PHACTR2: variants seen among roughly 807,000 people sequenced by gnomAD.
The protein encoded by PHACTR2 is phosphatase and actin regulator 2, also known as chromosome 6 open reading frame 56.
A neutral mutation model predicts 76.0 loss-of-function variants in PHACTR2; 30 were observed. That is an observed-to-expected ratio of 0.39 (90% confidence interval 0.30 to 0.54). The LOEUF is 0.54. PHACTR2 is among the 20% of genes least tolerant of loss of function. PHACTR2 has a pLI of 0.61. For synonymous variants in PHACTR2, 292 were observed against 292.5 expected (o/e 1.00, Z 0.02); for missense variants, 696 against 781.1 (o/e 0.89, Z 1.30).
Position 143,733,495 on chromosome 6 carries a change from C to T in PHACTR2, c.215-15490C>T, listed in dbSNP as rs996269709. 1.4e-4 allele frequency among the ~76,000 whole-genome samples: 21 copies of T among 151,942 alleles called. No individual in the cohort carries two copies. The highest frequency in any genetic ancestry group is 1.3e-4 in the Non-Finnish European group (9 of 67,938). On this transcript the variant is annotated intron_variant, in intron 2 of 12. Transcript: ENST00000440869. The surrounding 1 kb of genome is among the most constrained non-coding windows in gnomAD (Gnocchi z 4.0). Reference sequence around the variant, plus strand: ...TGGAGCATTTGCAAGTGAATCTTTTCGATTTGGAAAGTGCTGGATTTGGGG... The same window carrying T: ...TGGAGCATTTGCAAGTGAATCTTTTTGATTTGGAAAGTGCTGGATTTGGGG...
intron 12 of PHACTR2, among the ~76,000 whole-genome samples, chr6:143,815,896 A>G (rs904464753): frequency 0.026 from 6 of 230 alleles, no homozygotes; most frequent in Non-Finnish European, 0.066. Flanking sequence ...TGTCTCAAGA[A>G]AAAAAAAAAA....
In PHACTR2 at chr6:143,809,504, C is replaced by T. The variant is rs1021310140; in HGVS notation, c.1922+2371C>T. On this transcript the variant is annotated intron_variant, in intron 12 of 12. Transcript: ENST00000440869. This position sits in a 1 kb window ranked among gnomAD's most constrained non-coding sequence, Gnocchi z 4.2. ...GTGATTAAAGGCATGAGCCACTGCA[C>T]CTGGCTTCTTTTTTATATATGTATT... 1.4e-4 allele frequency among the ~76,000 whole-genome samples: 22 copies of T among 152,002 alleles called. No homozygotes were observed. The highest frequency in any genetic ancestry group is 4.6e-4 in the African/African-American group (19 of 41,402).
chr6:143,740,456 C>A (rs1778912774), intron 2 of PHACTR2, among the ~76,000 whole-genome samples: 1 of 146,648 alleles, frequency 6.8e-6, no homozygotes, highest in Non-Finnish European at 1.5e-5. Context: ...GGCTCACACG[C>A]CTCTGACACT....
Position 143,783,096 on chromosome 6 carries a change from C to A in PHACTR2, c.1646-123C>A. Reference sequence around the variant, plus strand: ...ACAAAATATTTTGACAACTTTTTAACAATGTTGGTTGTGTGTTTGATCATT... The same window carrying A: ...ACAAAATATTTTGACAACTTTTTAAAAATGTTGGTTGTGTGTTTGATCATT... On this transcript the variant is annotated intron_variant, in intron 9 of 12. Transcript: ENST00000440869. This position sits in a 1 kb window ranked among gnomAD's most constrained non-coding sequence, Gnocchi z 5.2. 1.8e-6 allele frequency: 1 copy of A among 546,988 alleles called. No homozygotes were observed. The highest frequency in any genetic ancestry group is 3.4e-6 in the Non-Finnish European group (1 of 293,914). The allele number at this position is 546,988 out of a possible 1,614,324, so 33.9% of individuals were successfully genotyped here. A position where few individuals can be genotyped will look rare whatever the true frequency, so the allele number is the denominator to read the frequency against.
intron 1 of PHACTR2, among the ~76,000 whole-genome samples, chr6:143,649,828 G>A (rs2128445884): frequency 6.6e-6 from 1 of 152,272 alleles, no homozygotes; most frequent in South Asian, 2.1e-4. Context: ...ACACAGTATT[G>A]GAAGTTCTGG....
At position 143,548,464 on chromosome 6, in the gene PHACTR2, A is replaced by G. The variant is rs1190436156; in HGVS notation, c.217+11257A>G. Among the ~76,000 whole-genome samples the G allele has an allele frequency of 6.6e-6, 1 of 152,072 alleles. No individual in the cohort carries two copies. The highest frequency in any genetic ancestry group is 1.5e-5 in the Non-Finnish European group (1 of 67,978). On this transcript the variant is annotated intron_variant, in intron 1 of 11. Coordinates refer to the PHACTR2 transcript ENST00000367584. The surrounding 1 kb of genome is among the most constrained non-coding windows in gnomAD (Gnocchi z 4.5). ...CAGACTTCTCTGATGCTGTGAGCAT[A>G]TATTCTCCTCAGATTTCCCCTATTT... is the stretch of plus-strand genomic sequence containing the variant.
rs1328327711 is a variant in PHACTR2 at position 143,648,454 on chromosome 6, A to AG, written c.13+40139dup. On this transcript the variant is annotated intron_variant, in intron 1 of 11. Coordinates refer to the PHACTR2 transcript ENST00000305766. This position sits in a 1 kb window ranked among gnomAD's most constrained non-coding sequence, Gnocchi z 6.7. The stretch of plus-strand genomic sequence containing the variant: ...TGTCTCTGCACTGGGAGTCCCTGGG[A>AG]GGGGGGGACGAGGAGGAACAGACCA... 6.6e-6 allele frequency among the ~76,000 whole-genome samples: 1 copy of AG among 152,016 alleles called. No individual in the cohort carries two copies. The highest frequency in any genetic ancestry group is 2.4e-5 in the African/African-American group (1 of 41,384).
At chr6:143,607,859 GA>G (rs1253898565), upstream of PHACTR2, among the ~76,000 whole-genome samples, 2 of 152,194 alleles carry the variant, frequency 1.3e-5, no homozygotes, top group Non-Finnish European at 2.9e-5. Flanking sequence ...AAACCCCAAG[GA>G]AAGGATAATG....
intron 1 of PHACTR2, among the ~76,000 whole-genome samples, chr6:143,544,009 C>T (rs950014669): frequency 2.0e-5 from 3 of 152,132 alleles, no homozygotes; most frequent in African/African-American, 4.8e-5. Context: ...AGAAGTAAAG[C>T]CTCTCTCTGA....
intron 1 of PHACTR2, among the ~76,000 whole-genome samples, chr6:143,544,253 G>GGAAGGAAGGCAGGCAGGGAGGGGAAA (rs111872744): frequency 2.8e-5 from 4 of 144,142 alleles, no homozygotes; most frequent in African/African-American, 1.2e-4. Context: ...GGAGGGAGTG[G>GGAAGGAAGGCAGGCAGGGAGGGGAAA]GAAGGAAGGA....
intron 4 of PHACTR2, among the ~76,000 whole-genome samples, chr6:143,756,544 A>C (rs899224657): frequency 4.0e-5 from 6 of 151,714 alleles, no homozygotes; most frequent in Non-Finnish European, 5.9e-5. Context: ...AAATACAAAA[A>C]AAAAATTAGC....
intron 1 of PHACTR2, among the ~76,000 whole-genome samples, chr6:143,545,326 T>C (rs1774966366): frequency 6.6e-6 from 1 of 152,230 alleles, no homozygotes; most frequent in East Asian, 1.9e-4. Context: ...TGGCAACACC[T>C]ATGGAAGTGA....
Position 143,800,397 on chromosome 6 carries a change from G to T in PHACTR2, c.1846-6660G>T, listed in dbSNP as rs1258981053. 6.6e-6 allele frequency among the ~76,000 whole-genome samples: 1 copy of T among 152,128 alleles called. No homozygotes were observed. Among genetic ancestry groups the T allele is most frequent in the African/African-American group, 2.4e-5 (1 of 41,416 alleles). The stretch of plus-strand genomic sequence containing the variant: ...CTGCCTCAGCCTCCTGAGTAGCTGG[G>T]ACTACAGGTGCCCGCCACCATGCCC... On this transcript the variant is annotated intron_variant, in intron 11 of 12. Transcript: ENST00000440869. The surrounding 1 kb of genome is among the most constrained non-coding windows in gnomAD (Gnocchi z 4.8).
rs1312466540 is a variant in PHACTR2, at chr6:143,828,324, G to A, written c.*4635G>A. ...GCACTGGGCTCTACTGTAAAGGCAG[G>A]CAGTGACCAAGAGGTGGTGGGGAGA... On this transcript the variant is annotated 3_prime_UTR_variant, in exon 13 of 13. Coordinates refer to ENST00000440869, the MANE Select transcript of PHACTR2 (RefSeq NM_001100164.2). This position sits in a 1 kb window ranked among gnomAD's most constrained non-coding sequence, Gnocchi z 4.7. The A allele has an allele frequency of 6.6e-6, 1 of 152,174 alleles. No homozygotes were observed. The highest frequency in any genetic ancestry group is 1.9e-4 in the East Asian group (1 of 5,200). The allele number at this position is 152,174 out of a possible 1,614,324, so 9.4% of individuals were successfully genotyped here.
At chr6:143,638,574 CAT>C (rs1214191436) in intron 1 of PHACTR2, among the ~76,000 whole-genome samples, 2 of 77,216 alleles carry the variant, frequency 2.6e-5, no homozygotes, top group South Asian at 3.9e-4. Context: ...CACACACACA[CAT>C]ACACACACAC....
chr6:143,567,832 C>G (rs926470167), intron 1 of PHACTR2, among the ~76,000 whole-genome samples: 1 of 152,138 alleles, frequency 6.6e-6, no homozygotes, highest in African/African-American at 2.4e-5. Flanking sequence ...TTAGATGTAT[C>G]GAGGTTTAAA....
At chr6:143,605,516 G>T (rs1444854453), upstream of PHACTR2, among the ~76,000 whole-genome samples, 4 of 151,996 alleles carry the variant, frequency 2.6e-5, no homozygotes, top group Non-Finnish European at 5.9e-5. The surrounding 1 kb of genome is among the most constrained non-coding windows in gnomAD (Gnocchi z 5.0). Context: ...CTTTTTCACG[G>T]TTGCATTGCC....
At chr6:143,798,567 C>T (rs1365274559) in intron 11 of PHACTR2, among the ~76,000 whole-genome samples, 5 of 152,098 alleles carry the variant, frequency 3.3e-5, no homozygotes, top group African/African-American at 9.7e-5. Flanking sequence ...TTTTGAGATA[C>T]GTTCCATCGA....
At chr6:143,704,128 A>G (rs149766368) in intron 1 of PHACTR2, among the ~76,000 whole-genome samples, 1 of 53,386 alleles carries the variant, frequency 1.9e-5, no homozygotes. Flanking sequence ...TGTGTGGTGG[A>G]GGGATGTTTG....
Sources: gnomAD v4.1 joint callset for allele counts (sites outside exome capture counted in the v4.1 genomes callset) on GRCh38, gnomAD v4.1.1 for gene constraint, Gnocchi (gnomAD v3.1) non-coding constraint, MANE v1.5 for transcripts, NCBI Gene and HGNC (gene_info 2026-07-23, HGNC 2026-07-21) for gene names.